The following PLEKHH2 variants were observed in gnomAD, a reference collection of about 807,000 sequenced individuals.
PLEKHH2 encodes pleckstrin homology domain-containing family H member 2.
In PLEKHH2, 129 loss-of-function variants were observed where a neutral mutation model predicts 187.9. The ratio of observed to expected loss-of-function variants is 0.69; its 90% confidence interval spans 0.59 to 0.79. The LOEUF is 0.79. PLEKHH2 is among the 30% of genes least tolerant of loss of function. PLEKHH2 has a pLI of 0.00. For missense variants in PLEKHH2, 2,076 were observed against 1,751.2 expected (o/e 1.19, Z -3.31); for synonymous variants, 686 against 605.6 (o/e 1.13, Z -1.95).
At chr2:43,684,635 C>T (rs1481423850) in intron 3 of PLEKHH2, among the ~76,000 whole-genome samples, 2 of 151,140 alleles carry the variant, frequency 1.3e-5, no homozygotes, top group Non-Finnish European at 2.9e-5. Context: ...GGGAAGCAAA[C>T]CACAGAGGTT....
chr2:43,738,536 G>GATACAT lies in PLEKHH2; in HGVS notation c.3123+23_3123+28dup, dbSNP rs776357264. On this transcript the variant is annotated intron_variant, in intron 20 of 29. Transcript: ENST00000282406. ...ACCATTGCAGGTAGATATTAATATT[G>GATACAT]ATACATATACATGCAATTTAAAGTG... 3 of 1,581,246 alleles carry GATACAT rather than the reference G, an allele frequency of 1.9e-6. No homozygotes were observed. Among genetic ancestry groups the GATACAT allele is most frequent in the Middle Eastern group, 3.4e-4 (2 of 5,964 alleles).
chr2:43,675,834 C>G, intron 2 of PLEKHH2: 2 of 1,613,984 alleles, frequency 1.2e-6, no homozygotes, highest in Non-Finnish European at 1.7e-6. Flanking sequence ...GATAGAAGGG[C>G]TGGGATGCAT....
chr2:43,744,867 CAAA>C (rs774106764), intron 23 of PLEKHH2, among the ~76,000 whole-genome samples: 4 of 82,780 alleles, frequency 4.8e-5, no homozygotes, highest in Admixed American at 3.2e-4. Context: ...GACTGTCTCA[CAAA>C]AAAAAAAAAA....
intron 2 of PLEKHH2, among the ~76,000 whole-genome samples, chr2:43,671,691 A>G (rs1574508853): frequency 6.6e-6 from 1 of 152,060 alleles, no homozygotes; most frequent in African/African-American, 2.4e-5. Context: ...TTGTCAGATG[A>G]TTTTTCTTCA....
intron 19 of PLEKHH2, among the ~76,000 whole-genome samples, chr2:43,731,825 T>C (rs925984313): frequency 3.9e-5 from 6 of 152,214 alleles, no homozygotes; most frequent in Admixed American, 2.0e-4. Context: ...TTAATGTGTA[T>C]GGTTTGGGCA....
At chr2:43,672,818 C>G (rs900885414) in intron 2 of PLEKHH2, among the ~76,000 whole-genome samples, 2 of 152,140 alleles carry the variant, frequency 1.3e-5, no homozygotes, top group Admixed American at 6.6e-5. Flanking sequence ...GGTGCCTCAT[C>G]ATATATGATG....
intron 24 of PLEKHH2, among the ~76,000 whole-genome samples, chr2:43,748,469 G>C (rs1671870255): frequency 6.6e-6 from 1 of 152,188 alleles, no homozygotes; most frequent in African/African-American, 2.4e-5. Context: ...TGGAGCAGTA[G>C]TTCCCAACGT....
intron 20 of PLEKHH2, chr2:43,740,743 C>A: frequency 3.1e-6 from 3 of 954,480 alleles, no homozygotes; most frequent in Non-Finnish European, 4.1e-6. Flanking sequence ...ACCATACACA[C>A]AACTAGATGG....
chr2:43,727,059 A>G (rs1302687524), intron 17 of PLEKHH2, among the ~76,000 whole-genome samples: 1 of 150,394 alleles, frequency 6.6e-6, no homozygotes, highest in East Asian at 1.9e-4. Flanking sequence ...AAAGAATTCA[A>G]TGAAATTATT....
At position 43,710,341 on chromosome 2, in the gene PLEKHH2, A is replaced by G; in HGVS notation, c.2214+11A>G. 1.2e-6 allele frequency: 2 copies of G among 1,611,046 alleles called. No homozygotes were observed. Among genetic ancestry groups the G allele is most frequent in the Non-Finnish European group, 1.7e-6 (2 of 1,177,396 alleles). On this transcript the variant is annotated intron_variant, in intron 13 of 29. Transcript: ENST00000282406. ...TACTACAAATCTCCGGTGAGTGGAA[A>G]GTGTTTTCTGTTTAGAACGTAATTC...
intron 2 of PLEKHH2, among the ~76,000 whole-genome samples, chr2:43,660,611 C>A (rs1667023306): frequency 8.5e-6 from 1 of 117,286 alleles, no homozygotes; most frequent in Non-Finnish European, 1.7e-5. Flanking sequence ...CAATGCCACC[C>A]CTCCCCCCTC....
At chr2:43,741,783 A>G (rs897839131) in intron 21 of PLEKHH2, among the ~76,000 whole-genome samples, 2 of 152,232 alleles carry the variant, frequency 1.3e-5, no homozygotes, top group African/African-American at 4.8e-5. Context: ...GAGACCAAGG[A>G]TCTGCCTACA....
intron 20 of PLEKHH2, chr2:43,740,690 G>T (rs753571658): frequency 7.7e-5 from 26 of 338,724 alleles, no homozygotes; most frequent in Non-Finnish European, 1.2e-4. Flanking sequence ...CGTCAAAAAG[G>T]AGCACCTTGT....
At chr2:43,659,186 T>G (rs1188336096) in intron 2 of PLEKHH2, among the ~76,000 whole-genome samples, 1 of 150,272 alleles carries the variant, frequency 6.7e-6, no homozygotes, top group African/African-American at 2.5e-5. Flanking sequence ...GAAGCGAGGT[T>G]TTTGTCATGT....
Position 43,699,867 on chromosome 2 carries a change from A to C in PLEKHH2, c.909A>C (p.Thr303=), listed in dbSNP as rs201366976. 6 of 1,614,136 alleles carry C rather than the reference A, an allele frequency of 3.7e-6. No individual in the cohort carries two copies. The highest frequency in any genetic ancestry group is 5.1e-6 in the Non-Finnish European group (6 of 1,180,002). ...AAGGAAGATCCAAGTCCAGATGCAC[A>C]TCCACCCTCTCCAGTCACACATCTG... ...GSKGRSKSRC[T]STLSSHTSEE... Residue 303 remains threonine, a synonymous_variant, in exon 8 of 30, where the codon ACA becomes ACC. Coordinates refer to ENST00000282406, the MANE Select transcript of PLEKHH2 (RefSeq NM_172069.4).
intron 2 of PLEKHH2, among the ~76,000 whole-genome samples, chr2:43,650,144 C>CTTTTT (rs70965311): frequency 8.3e-4 from 79 of 95,666 alleles, no homozygotes; most frequent in East Asian, 1.5e-3. Context: ...TTTTTCTTTC[C>CTTTTT]TTTTTTTTTT....
At chr2:43,672,718 C>T (rs1265420126) in intron 2 of PLEKHH2, among the ~76,000 whole-genome samples, 1 of 152,138 alleles carries the variant, frequency 6.6e-6, no homozygotes, top group East Asian at 1.9e-4. Flanking sequence ...TAACTATTGC[C>T]TACTATTTCT....
chr2:43,669,111 G>C (rs991314393), intron 2 of PLEKHH2, among the ~76,000 whole-genome samples: 1 of 152,108 alleles, frequency 6.6e-6, no homozygotes, highest in African/African-American at 2.4e-5. Context: ...GCCCCTACTT[G>C]GGCAAAGTTG....
intron 26 of PLEKHH2, among the ~76,000 whole-genome samples, chr2:43,758,257 T>C (rs1313473690): frequency 2.6e-5 from 4 of 152,116 alleles, no homozygotes; most frequent in African/African-American, 4.8e-5. Context: ...TACTACTTGT[T>C]TTTGTTTTTG....
Sources: allele counts gnomAD v4.1 joint callset (sites outside exome capture counted in the v4.1 genomes callset), GRCh38; gene constraint gnomAD v4.1.1; transcripts MANE v1.5; gene names NCBI Gene and HGNC (gene_info 2026-07-23, HGNC 2026-07-21).